Variants in ROBO1 observed in about 807,000 individuals in gnomAD.
ROBO1 encodes roundabout guidance receptor 1.
In ROBO1, 149 loss-of-function variants were observed where a neutral mutation model predicts 195.9. That is an observed-to-expected ratio of 0.76 (90% CI 0.67 to 0.87). The LOEUF (loss-of-function observed/expected upper bound fraction) is 0.87, where lower values mean the gene tolerates loss of function less well. Ranked by LOEUF, ROBO1 falls within the 40% of genes least tolerant of loss-of-function variation. ROBO1 has a pLI of 0.00. For synonymous variants in ROBO1, 816 were observed against 733.2 expected (o/e 1.11, Z -1.82); for missense variants, 1,933 against 2,068.3 (o/e 0.93, Z 1.27).
At chr3:78,855,764 A>C (rs1343199995) in intron 4 of ROBO1, among the ~76,000 whole-genome samples, 3 of 152,172 alleles carry the variant, frequency 2.0e-5, no homozygotes. Flanking sequence ...TTTAAAGATC[A>C]TTAAACAGAA....
At chr3:78,683,993 T>C (rs1002302890) in intron 10 of ROBO1, among the ~76,000 whole-genome samples, 1 of 151,978 alleles carries the variant, frequency 6.6e-6, no homozygotes. Flanking sequence ...ATATTTCCAA[T>C]ATACATATCT....
chr3:78,850,706 C>A (rs2033999724), intron 4 of ROBO1, among the ~76,000 whole-genome samples: 1 of 152,136 alleles, frequency 6.6e-6, no homozygotes, highest in Admixed American at 6.6e-5. Flanking sequence ...TAGTGGAGTA[C>A]AAGGACGTCA....
chr3:79,185,715 T>C (rs2081425543), intron 2 of ROBO1, among the ~76,000 whole-genome samples: 1 of 152,162 alleles, frequency 6.6e-6, no homozygotes, highest in African/African-American at 2.4e-5. Context: ...GTTCAGTATC[T>C]AGTTCCATTT....
chr3:78,721,451 C>T (rs1426615998), intron 5 of ROBO1, among the ~76,000 whole-genome samples: 1 of 152,120 alleles, frequency 6.6e-6, no homozygotes, highest in Non-Finnish European at 1.5e-5. Flanking sequence ...GGATAGCACG[C>T]CGAGCCTCTT....
chr3:79,039,206 A>T (rs1380163754), intron 3 of ROBO1, among the ~76,000 whole-genome samples: 2 of 152,224 alleles, frequency 1.3e-5, no homozygotes, highest in African/African-American at 4.8e-5. Flanking sequence ...CAAAAAATAA[A>T]GGTAACTGCT....
intron 3 of ROBO1, chr3:79,018,465 C>G (rs1233904414): frequency 1.2e-6 from 2 of 1,613,844 alleles, no homozygotes; most frequent in East Asian, 2.2e-5. Flanking sequence ...CAATCATTGT[C>G]CTCGGGTGGA....
intron 2 of ROBO1, among the ~76,000 whole-genome samples, chr3:79,197,579 G>T (rs1311643813): frequency 1.3e-5 from 2 of 151,974 alleles, no homozygotes; most frequent in Non-Finnish European, 2.9e-5. Flanking sequence ...GGGTCAAATG[G>T]AATTTCTAGT....
chr3:78,760,294 T>C (rs1324504198), intron 4 of ROBO1, among the ~76,000 whole-genome samples: 11 of 152,200 alleles, frequency 7.2e-5, no homozygotes, highest in Admixed American at 7.2e-4. Context: ...TACACATGCC[T>C]ATATACCTCT....
At chr3:79,218,581 A>T (rs961867498) in intron 2 of ROBO1, among the ~76,000 whole-genome samples, 1 of 152,050 alleles carries the variant, frequency 6.6e-6, no homozygotes, top group African/African-American at 2.4e-5. Context: ...AAATGATTGC[A>T]AATAAAGTAT....
chr3:78,697,471 C>T (rs1225648820), intron 8 of ROBO1, among the ~76,000 whole-genome samples: 3 of 151,980 alleles, frequency 2.0e-5, no homozygotes, highest in African/African-American at 7.3e-5. Context: ...TAATAAGTAC[C>T]GGGACCAGCC....
At chr3:78,866,872 G>A (rs939715436) in intron 4 of ROBO1, among the ~76,000 whole-genome samples, 1 of 152,112 alleles carries the variant, frequency 6.6e-6, no homozygotes, top group Admixed American at 6.5e-5. Flanking sequence ...GACCACGAAA[G>A]ATCTCTACTG....
chr3:78,630,913 T>A (rs1705139470), intron 25 of ROBO1, among the ~76,000 whole-genome samples: 1 of 152,310 alleles, frequency 6.6e-6, no homozygotes, highest in South Asian at 2.1e-4. Flanking sequence ...GATAGATACA[T>A]GAGCTAATAT....
intron 2 of ROBO1, among the ~76,000 whole-genome samples, chr3:79,584,613 G>A (rs543007308): frequency 9.8e-5 from 10 of 102,044 alleles, no homozygotes; most frequent in Non-Finnish European, 1.6e-4. Context: ...GTGGGTGAGT[G>A]TGTGTGTGTG....
chr3:79,496,275 T>G (rs1939728794), intron 2 of ROBO1, among the ~76,000 whole-genome samples: 1 of 151,030 alleles, frequency 6.6e-6, no homozygotes, highest in Admixed American at 6.6e-5. Flanking sequence ...GTATATTCTT[T>G]CTATGTATAT....
At chr3:78,626,760 C>T (rs6763820) in intron 26 of ROBO1, among the ~76,000 whole-genome samples, 1 of 64,826 alleles carries the variant, frequency 1.5e-5, no homozygotes, top group South Asian at 5.0e-4. Context: ...CACACATACA[C>T]ACACACACAC....
At chr3:79,731,772 G>A (rs1234948854) in intron 1 of ROBO1, among the ~76,000 whole-genome samples, 1 of 152,084 alleles carries the variant, frequency 6.6e-6, no homozygotes, top group Non-Finnish European at 1.5e-5. Flanking sequence ...CTGCCTAAAC[G>A]ATTTTCAAAA....
intron 2 of ROBO1, among the ~76,000 whole-genome samples, chr3:79,230,633 T>C (rs993877690): frequency 2.0e-5 from 3 of 151,728 alleles, no homozygotes; most frequent in Admixed American, 1.3e-4. Flanking sequence ...GGAAAAAAAA[T>C]CCCATGCTCA....
chr3:78,705,668 T>C (rs1206024391), intron 8 of ROBO1, among the ~76,000 whole-genome samples: 1 of 152,168 alleles, frequency 6.6e-6, no homozygotes, highest in Non-Finnish European at 1.5e-5. Flanking sequence ...TGGAAGAGAT[T>C]AGCATTTGAT....
chr3:79,171,433 C>T (rs868092861), intron 2 of ROBO1, among the ~76,000 whole-genome samples: 7 of 138,792 alleles, frequency 5.0e-5, no homozygotes, highest in African/African-American at 1.6e-4. Flanking sequence ...AAAAAAAAAG[C>T]CATAACAAAA....
Sources: gnomAD v4.1 joint callset for allele counts (sites outside exome capture counted in the v4.1 genomes callset) on GRCh38, gnomAD v4.1.1 for gene constraint, MANE v1.5 for transcripts, NCBI Gene and HGNC (gene_info 2026-07-23, HGNC 2026-07-21) for gene names.